AGO2: variants seen among roughly 807,000 people sequenced by gnomAD.
AGO2 encodes argonaute RISC catalytic component 2.
In AGO2, 5 loss-of-function variants were observed where a neutral mutation model predicts 102.3. The ratio of observed to expected loss-of-function variants is 0.05; its 90% CI spans 0.03 to 0.10. The LOEUF (loss-of-function observed/expected upper bound fraction) is 0.10, where lower values mean the gene tolerates loss of function less well. Among genes scored for constraint, AGO2 ranks in the 10% least tolerant of loss-of-function variants. The pLI, the probability that AGO2 is intolerant of heterozygous loss-of-function variation, is 1.00. For synonymous variants in AGO2, 449 were observed against 473.1 expected (o/e 0.95, Z 0.66); for missense variants, 541 against 1,183.7 (o/e 0.46, Z 7.97).
chr8:140,544,319 G>A lies in AGO2; in HGVS notation c.1749-16C>T, dbSNP rs923629368. The A allele has an allele frequency of 2.5e-6, 4 of 1,592,916 alleles. No individual in the cohort carries two copies. The highest frequency in any genetic ancestry group is 3.6e-5 in the Admixed American group (2 of 56,254). On this transcript the variant is annotated splice_polypyrimidine_tract_variant and intron_variant, in intron 13 of 18. Coordinates refer to ENST00000220592, the MANE Select transcript of AGO2 (RefSeq NM_012154.5). ...CACCGGCGGCCTGCGGAGAGGAGTGGCGTCAGGGGCCACGGTGAGACACGC... is the reference window on the plus strand; with the variant it reads ...CACCGGCGGCCTGCGGAGAGGAGTGACGTCAGGGGCCACGGTGAGACACGC...
intron 1 of AGO2, among the ~76,000 whole-genome samples, chr8:140,620,161 A>G (rs2074200551): frequency 6.6e-6 from 1 of 152,192 alleles, no homozygotes; most frequent in South Asian, 2.1e-4. Context: ...AGGGGCCTTC[A>G]GGCAACAGCA....
chr8:140,619,554 C>A (rs1013145740), intron 1 of AGO2, among the ~76,000 whole-genome samples: 1 of 152,190 alleles, frequency 6.6e-6, no homozygotes, highest in East Asian at 1.9e-4. Context: ...GAGGCAAAGG[C>A]CGCTCACTGC....
rs897940079 is a variant in AGO2, at chr8:140,557,759, C to T, written c.879-523G>A. On this transcript the variant is annotated intron_variant, in intron 7 of 18. Coordinates refer to ENST00000220592, the MANE Select transcript of AGO2 (RefSeq NM_012154.5). The surrounding 1 kb of genome is among the most constrained non-coding windows in gnomAD (Gnocchi z 5.9). ...TGGCCTCTGTGTGGGGATGAGGGCACGGGGGCTGCTAGTGCAGGGCAAAGG... is the reference window on the plus strand; with the variant it reads ...TGGCCTCTGTGTGGGGATGAGGGCATGGGGGCTGCTAGTGCAGGGCAAAGG... Among the ~76,000 whole-genome samples the T allele has an allele frequency of 5.9e-5, 9 of 152,266 alleles. No individual in the cohort carries two copies. In the South Asian group the frequency reaches 1.2e-3, roughly 21 times the overall value.
At chr8:140,566,730 T>G (rs571551267) in intron 3 of AGO2, among the ~76,000 whole-genome samples, 1 of 152,008 alleles carries the variant, frequency 6.6e-6, no homozygotes, top group African/African-American at 2.4e-5. Flanking sequence ...CCTGTCAAAC[T>G]GTCTGACTCC....
chr8:140,631,241 A>C (rs751401423), intron 1 of AGO2, among the ~76,000 whole-genome samples: 1 of 152,176 alleles, frequency 6.6e-6, no homozygotes, highest in Non-Finnish European at 1.5e-5. Context: ...TCTGAAGAAA[A>C]GAGATTTTAA....
Position 140,532,459 on chromosome 8 carries a change from C to T in AGO2, c.2428G>A (p.Ala810Thr). 1 of 1,614,212 alleles carries T rather than the reference C, an allele frequency of 6.2e-7. No individual in the cohort carries two copies. The highest frequency in any genetic ancestry group is 8.5e-7 in the Non-Finnish European group (1 of 1,180,038). ...ACCAGGTGGTACCTGGCCCGGAAGG[C>T]CACCAGGTGAGCGTAGTATGCTGGC... ...PAPAYYAHLV[A>T]FRARYHLVDK... Residue 810 changes from alanine to threonine, a missense_variant, in exon 18 of 19, where the codon GCC (alanine) becomes ACC (threonine). Coordinates refer to ENST00000220592, the MANE Select transcript of AGO2 (RefSeq NM_012154.5).
intron 2 of AGO2, among the ~76,000 whole-genome samples, chr8:140,580,470 G>C (rs551765880): frequency 6.6e-6 from 1 of 152,350 alleles, no homozygotes; most frequent in African/African-American, 2.4e-5. Flanking sequence ...AAATGGGAAG[G>C]AGATGCTGAG....
At chr8:140,547,931 A>T (rs1213112704) in intron 12 of AGO2, among the ~76,000 whole-genome samples, 1 of 152,182 alleles carries the variant, frequency 6.6e-6, no homozygotes, top group Admixed American at 6.5e-5. Context: ...CCAATTTATC[A>T]ACAAAACGAT....
At chr8:140,559,763 ATTAG>A (rs986598016) in intron 5 of AGO2, among the ~76,000 whole-genome samples, 3 of 152,218 alleles carry the variant, frequency 2.0e-5, no homozygotes, top group African/African-American at 4.8e-5. Flanking sequence ...GAGCTGGCTG[ATTAG>A]TTAAAGACTA....
chr8:140,568,188 G>A (rs1354867177), intron 3 of AGO2, among the ~76,000 whole-genome samples: 1 of 151,668 alleles, frequency 6.6e-6, no homozygotes, highest in Non-Finnish European at 1.5e-5. Context: ...GGAGGCTGAG[G>A]TGGGAGGCTC....
intron 2 of AGO2, among the ~76,000 whole-genome samples, chr8:140,584,240 C>T (rs1043938869): frequency 6.6e-5 from 10 of 151,540 alleles, no homozygotes; most frequent in African/African-American, 2.2e-4. Flanking sequence ...TGGAAAGATG[C>T]TCAGCTCATC....
Position 140,531,595 on chromosome 8 carries a change from T to G in AGO2, c.*449A>C, listed in dbSNP as rs2072595882. 1 of 159,854 alleles carries G rather than the reference T, an allele frequency of 6.3e-6. No individual in the cohort carries two copies. The highest frequency in any genetic ancestry group is 1.4e-5 in the Non-Finnish European group (1 of 71,916). 9.9% of individuals were successfully genotyped at this position (159,854 alleles called of 1,614,324 possible). ...AACTTTAGTGACAACATCAGAATGT[T>G]CAAGGCTTTAAAACCACACTTGTGT... On this transcript the variant is annotated 3_prime_UTR_variant, in exon 19 of 19. Transcript: ENST00000220592.
Position 140,630,468 on chromosome 8 carries a change from T to A in AGO2, c.22+5017A>T, listed in dbSNP as rs149413051. ...AAGAGTGGTTTCAAGTTCCTAAACT[T>A]TTGGAGGAAAAAATTAGAATAGTGG... On this transcript the variant is annotated intron_variant, in intron 1 of 18. Coordinates refer to ENST00000220592, the MANE Select transcript of AGO2 (RefSeq NM_012154.5). 8.8e-4 allele frequency among the ~76,000 whole-genome samples: 134 copies of A among 152,264 alleles called. 1 individual carries two copies. The highest frequency in any genetic ancestry group is 3.1e-3 in the African/African-American group (129 of 41,552).
rs1201198724 is a variant in AGO2, at chr8:140,589,408, T to C, written c.23-4097A>G. Among the ~76,000 whole-genome samples, 2 of 152,004 alleles carry C rather than the reference T, an allele frequency of 1.3e-5. No homozygotes were observed. The highest frequency in any genetic ancestry group is 2.9e-5 in the Non-Finnish European group (2 of 67,962). The stretch of plus-strand genomic sequence containing the variant: ...TAGGCTGCGCAGCTGCCACCTGAGC[T>C]TGGGTGGCAGCCTCGCTGTGAGGCT... On this transcript the variant is annotated intron_variant, in intron 1 of 18. Transcript: ENST00000220592. This position sits in a 1 kb window ranked among gnomAD's most constrained non-coding sequence, Gnocchi z 4.2.
At chr8:140,541,460 C>T in intron 14 of AGO2, 102 bp from the exon 15 acceptor site, 1 of 1,098,990 alleles carries the variant, frequency 9.1e-7, no homozygotes, top group Non-Finnish European at 1.3e-6. Context: ...AGTGTCCCCA[C>T]CCTGGAACTC....
chr8:140,623,728 C>A (rs889831655), intron 1 of AGO2, among the ~76,000 whole-genome samples: 2 of 152,106 alleles, frequency 1.3e-5, no homozygotes, highest in Non-Finnish European at 2.9e-5. Flanking sequence ...ATCACCCCTG[C>A]CAGGCCACAG....
chr8:140,533,675 C>T (rs1309312283), intron 17 of AGO2, among the ~76,000 whole-genome samples: 4 of 151,886 alleles, frequency 2.6e-5, no homozygotes, highest in African/African-American at 4.8e-5. Context: ...TGTGTGGTTG[C>T]GTACGCCTGT....
At chr8:140,593,122 C>T (rs1469935795) in intron 1 of AGO2, 1 of 152,200 alleles carries the variant, frequency 6.6e-6, no homozygotes, top group Admixed American at 6.5e-5. Context: ...CCAAAACATA[C>T]AAGAATCTGA....
At chr8:140,628,398 C>T (rs1012484574) in intron 1 of AGO2, among the ~76,000 whole-genome samples, 1 of 150,906 alleles carries the variant, frequency 6.6e-6, no homozygotes, top group Non-Finnish European at 1.5e-5. Context: ...TGTGTGTGTG[C>T]GTGTGTGTGT....
Sources: gnomAD v4.1 joint callset for allele counts (sites outside exome capture counted in the v4.1 genomes callset) on GRCh38, gnomAD v4.1.1 for gene constraint, Gnocchi (gnomAD v3.1) non-coding constraint, MANE v1.5 for transcripts, NCBI Gene and HGNC (gene_info 2026-07-23, HGNC 2026-07-21) for gene names.